GLIS1: variants seen among roughly 807,000 people sequenced by gnomAD.
The protein encoded by GLIS1 is zinc finger protein GLIS1.
Under a neutral mutation model 63.8 loss-of-function variants are expected in GLIS1, and 24 were observed. The ratio of observed to expected loss-of-function variants is 0.38; its 90% CI spans 0.27 to 0.53. GLIS1 has a LOEUF of 0.53. Ranked by LOEUF, GLIS1 falls within the 20% of genes least tolerant of loss-of-function variation. The probability of loss-of-function intolerance (pLI) is 0.85; values close to 1 mark genes in which losing one functional copy is unlikely to be tolerated. For missense variants in GLIS1, 1,036 were observed against 1,074.1 expected, an observed-to-expected ratio of 0.96 and a Z score of 0.50; for synonymous variants, 450 against 482.5, an observed-to-expected ratio of 0.93 and a Z score of 0.88.
chr1:53,645,352 T>C (rs1645833254), intron 2 of GLIS1, among the ~76,000 whole-genome samples: 1 of 152,188 alleles, frequency 6.6e-6, no homozygotes, highest in Non-Finnish European at 1.5e-5. Flanking sequence ...TGACACACTG[T>C]ATATTTCCTG....
chr1:53,507,543 T>C (rs1466005176), intron 10 of GLIS1, among the ~76,000 whole-genome samples: 2 of 152,224 alleles, frequency 1.3e-5, no homozygotes, highest in South Asian at 4.1e-4. Flanking sequence ...GCTGCTGTCA[T>C]GCATTTGTGT....
At chr1:53,517,747 C>A (rs72893325) in intron 7 of GLIS1, among the ~76,000 whole-genome samples, 280 of 152,282 alleles carry the variant, frequency 1.8e-3, no homozygotes, top group African/African-American at 6.4e-3. Flanking sequence ...TCGTCCCTCA[C>A]CCTCTCCCCT....
intron 8 of GLIS1, among the ~76,000 whole-genome samples, chr1:53,513,316 C>T (rs760498903): frequency 2.2e-4 from 33 of 152,252 alleles, no homozygotes; most frequent in Non-Finnish European, 4.4e-4. Context: ...CCTGCAATGC[C>T]GCCCTGCGTC....
chr1:53,707,878 C>G (rs17109178), intron 2 of GLIS1, among the ~76,000 whole-genome samples: 35,633 of 151,308 alleles, frequency 0.24, 4,245 homozygotes, highest in East Asian at 0.28. Context: ...AAATGAGATA[C>G]TGGACAAAGA....
intron 2 of GLIS1, among the ~76,000 whole-genome samples, chr1:53,723,194 A>G (rs903043460): frequency 3.3e-5 from 5 of 152,082 alleles, no homozygotes; most frequent in Admixed American, 3.3e-4. Flanking sequence ...ATAACATAAA[A>G]AAGGTTTATT....
chr1:53,621,101 C>G (rs763501864), intron 2 of GLIS1, among the ~76,000 whole-genome samples: 8 of 152,226 alleles, frequency 5.3e-5, no homozygotes, highest in Non-Finnish European at 1.0e-4. Flanking sequence ...GCCAGGTAAC[C>G]TAACCTCTCT....
At chr1:53,530,313 G>A (rs1644516676) in intron 4 of GLIS1, among the ~76,000 whole-genome samples, 1 of 152,224 alleles carries the variant, frequency 6.6e-6, no homozygotes, top group South Asian at 2.1e-4. Context: ...TCCCAGCACA[G>A]AGAGCTGAAA....
intron 4 of GLIS1, among the ~76,000 whole-genome samples, chr1:53,578,611 A>C (rs529750808): frequency 2.0e-5 from 3 of 152,326 alleles, no homozygotes; most frequent in African/African-American, 7.2e-5. Flanking sequence ...ATCCTGTATC[A>C]ACAAGTTGCC....
At chr1:53,537,095 C>T (rs546687914) in intron 4 of GLIS1, among the ~76,000 whole-genome samples, 346 of 152,268 alleles carry the variant, frequency 2.3e-3, no homozygotes, top group Non-Finnish European at 3.9e-3. Flanking sequence ...GAGCAGAGGG[C>T]AGGAGATGAA....
At chr1:53,596,065 A>C (rs1195631692) in intron 3 of GLIS1, among the ~76,000 whole-genome samples, 1 of 152,226 alleles carries the variant, frequency 6.6e-6, no homozygotes, top group Non-Finnish European at 1.5e-5. Flanking sequence ...CTCCTCTGGG[A>C]CATCAGGAGG....
rs1448646026 is a variant in GLIS1, at chr1:53,536,066, G to T, written c.1321-6114C>A. On this transcript the variant is annotated intron_variant, in intron 4 of 10. Transcript: ENST00000628545. ...AGACCAGATACCTCAGATGTAAGAA[G>T]GGGCACACTGTGGGGGCTCTGTGAA... 7.9e-5 allele frequency among the ~76,000 whole-genome samples: 12 copies of T among 152,140 alleles called. 1 individual carries two copies. The highest frequency in any genetic ancestry group is 1.0e-4 in the Non-Finnish European group (7 of 68,042).
At chr1:53,717,655 G>C (rs545715789) in intron 2 of GLIS1, among the ~76,000 whole-genome samples, 1 of 152,248 alleles carries the variant, frequency 6.6e-6, no homozygotes, top group African/African-American at 2.4e-5. Context: ...TGACTGCACT[G>C]TAACCCAGCA....
At chr1:53,686,740 A>G (rs1301352179) in intron 2 of GLIS1, among the ~76,000 whole-genome samples, 1 of 151,868 alleles carries the variant, frequency 6.6e-6, no homozygotes, top group Non-Finnish European at 1.5e-5. Context: ...CCAAGAAAAG[A>G]GTGACCATGC....
intron 2 of GLIS1, among the ~76,000 whole-genome samples, chr1:53,606,027 T>C (rs1645366373): frequency 6.6e-6 from 1 of 152,200 alleles, no homozygotes; most frequent in Non-Finnish European, 1.5e-5. Flanking sequence ...TATTTGACCC[T>C]AGACAGTCAC....
intron 10 of GLIS1, among the ~76,000 whole-genome samples, chr1:53,508,526 G>C (rs1644261338): frequency 6.6e-6 from 1 of 152,148 alleles, no homozygotes; most frequent in Non-Finnish European, 1.5e-5. Flanking sequence ...CCTCCCTTCT[G>C]ATGCCCCTGC....
chr1:53,661,956 A>G (rs745735844), intron 2 of GLIS1, among the ~76,000 whole-genome samples: 16 of 152,162 alleles, frequency 1.1e-4, no homozygotes, highest in Non-Finnish European at 5.9e-5. Flanking sequence ...CAGTGCAGGG[A>G]GGGATGGAGG....
chr1:53,654,641 G>T (rs978847257), intron 2 of GLIS1, among the ~76,000 whole-genome samples: 1 of 152,152 alleles, frequency 6.6e-6, no homozygotes, highest in Non-Finnish European at 1.5e-5. Flanking sequence ...CTCGGAGAGC[G>T]CAGTGTCTGG....
rs1328464614 is a variant in GLIS1, at chr1:53,646,144, T to C, written c.260-45866A>G. Among the ~76,000 whole-genome samples the C allele has an allele frequency of 1.3e-5, 2 of 152,156 alleles. No homozygotes were observed. Among genetic ancestry groups the C allele is most frequent in the African/African-American group, 2.4e-5 (1 of 41,430 alleles). On this transcript the variant is annotated intron_variant, in intron 2 of 10. Coordinates refer to ENST00000628545, the MANE Select transcript of GLIS1 (RefSeq NM_001367484.1). The surrounding 1 kb of genome is among the most constrained non-coding windows in gnomAD (Gnocchi z 4.2). ...ATGGAATATATTGTTTAGGCACACA[T>C]AGACACGTGATAAAAACTATTTATT...
In GLIS1 at chr1:53,553,943, G is replaced by T. The variant is rs548182022; in HGVS notation, c.1321-23991C>A. ...GCCTTGCTGACCAGCGGGAGGATTT[G>T]TCTGGAGGTTCTGGGGGACAGGGCT... On this transcript the variant is annotated intron_variant, in intron 4 of 10. Coordinates refer to ENST00000628545, the MANE Select transcript of GLIS1 (RefSeq NM_001367484.1). Among the ~76,000 whole-genome samples the T allele has an allele frequency of 5.1e-4, 78 of 152,300 alleles. 1 individual carries two copies. In the South Asian group the frequency reaches 0.015, roughly 29 times the overall value.
Sources: allele counts gnomAD v4.1 joint callset (sites outside exome capture counted in the v4.1 genomes callset), GRCh38; gene constraint gnomAD v4.1.1; non-coding constraint Gnocchi (gnomAD v3.1); transcripts MANE v1.5; gene names NCBI Gene and HGNC (gene_info 2026-07-23, HGNC 2026-07-21).